MCU: variants seen among roughly 807,000 people sequenced by gnomAD.
The protein encoded by MCU is calcium uniporter protein, mitochondrial.
Under a neutral mutation model 45.2 loss-of-function variants are expected in MCU, and 12 were observed. The observed-to-expected ratio is 0.27, with a 90% CI of 0.17 to 0.43. The LOEUF (loss-of-function observed/expected upper bound fraction) is 0.43. Among genes scored for constraint, MCU ranks in the 20% least tolerant of loss-of-function variants. The pLI, the probability that MCU is intolerant of heterozygous loss-of-function variation, is 1.00. For missense variants in MCU, 324 were observed against 436.7 expected, an observed-to-expected ratio of 0.74 and a Z score of 2.30; for synonymous variants, 160 against 165.1, an observed-to-expected ratio of 0.97 and a Z score of 0.24.
At chr10:72,768,677 C>A (rs1378955163) in intron 1 of MCU, among the ~76,000 whole-genome samples, 1 of 152,090 alleles carries the variant, frequency 6.6e-6, no homozygotes, top group Non-Finnish European at 1.5e-5. Context: ...AGTTGTAAGA[C>A]ACTGTTATTT....
chr10:72,839,279 T>C (rs1040881285), intron 2 of MCU, among the ~76,000 whole-genome samples: 1 of 152,180 alleles, frequency 6.6e-6, no homozygotes, highest in Non-Finnish European at 1.5e-5. Context: ...GGTGAGCCAC[T>C]GTGGCTGGCC....
At chr10:72,803,513 AAAGGCTTC>A (rs1182132827) in intron 1 of MCU, among the ~76,000 whole-genome samples, 2 of 152,060 alleles carry the variant, frequency 1.3e-5, no homozygotes, top group African/African-American at 4.8e-5. Flanking sequence ...AAGTCTGAGA[AAAGGCTTC>A]TGTTTTTAAA....
rs560077608 is a variant in MCU at position 72,729,411 on chromosome 10, C to T, written c.150+37110C>T. ...CTTGAACCCAAGAGGCAGAGGCTGCCGTGAGCCGAGATTGCATCACTGCAC... is the reference window on the plus strand; with the variant it reads ...CTTGAACCCAAGAGGCAGAGGCTGCTGTGAGCCGAGATTGCATCACTGCAC... On this transcript the variant is annotated intron_variant, in intron 1 of 7. Coordinates refer to ENST00000373053, the MANE Select transcript of MCU (RefSeq NM_138357.3). Among the ~76,000 whole-genome samples the T allele has an allele frequency of 3.3e-5, 5 of 152,222 alleles. No individual in the cohort carries two copies. In the South Asian group the frequency reaches 1.0e-3, roughly 32 times the overall value.
At chr10:72,775,337 A>C (rs1843874802) in intron 1 of MCU, among the ~76,000 whole-genome samples, 1 of 152,176 alleles carries the variant, frequency 6.6e-6, no homozygotes, top group Non-Finnish European at 1.5e-5. Context: ...AAGTTTCCTG[A>C]AACAAATGAA....
At chr10:72,755,691 A>G (rs573509515) in intron 1 of MCU, among the ~76,000 whole-genome samples, 1 of 152,362 alleles carries the variant, frequency 6.6e-6, no homozygotes, top group East Asian at 1.9e-4. Flanking sequence ...ATTCAAAGCA[A>G]TTTGAACGGC....
intron 1 of MCU, among the ~76,000 whole-genome samples, chr10:72,791,068 G>A (rs1009223546): frequency 2.6e-5 from 4 of 152,124 alleles, no homozygotes; most frequent in Non-Finnish European, 4.4e-5. Context: ...TAGAAGTTGG[G>A]GAGAGGGGTG....
intron 1 of MCU, among the ~76,000 whole-genome samples, chr10:72,747,490 G>A (rs780727026): frequency 2.0e-5 from 3 of 152,214 alleles, no homozygotes; most frequent in South Asian, 2.1e-4. Flanking sequence ...TGCAGTGCCT[G>A]TTATGCCTGC....
intron 5 of MCU, among the ~76,000 whole-genome samples, chr10:72,870,700 T>G (rs1347360988): frequency 2.0e-5 from 3 of 152,222 alleles, no homozygotes; most frequent in Non-Finnish European, 4.4e-5. Context: ...CTGCCCCTAG[T>G]ATACCACTGG....
chr10:72,868,567 A>AT, intron 4 of MCU, 136 bp from the exon 5 acceptor site: 2 of 710,520 alleles, frequency 2.8e-6, no homozygotes, highest in Non-Finnish European at 4.5e-6. Context: ...AAAAAAAAAA[A>AT]GAGAGCTATT....
chr10:72,866,966 AAG>A (rs1202610120), intron 4 of MCU, among the ~76,000 whole-genome samples: 5 of 151,136 alleles, frequency 3.3e-5, no homozygotes, highest in African/African-American at 1.2e-4. Context: ...TGGTACAAGG[AAG>A]ACACTGTTGA....
intron 1 of MCU, among the ~76,000 whole-genome samples, chr10:72,707,647 G>GTGTGTGTGTGTGTGTGTGTGTGTGTGTA (rs71021526): frequency 3.4e-5 from 5 of 146,908 alleles, no homozygotes; most frequent in African/African-American, 1.0e-4. Flanking sequence ...GTGTGTGTGT[G>GTGTGTGTGTGTGTGTGTGTGTGTGTGTA]TTTCCCACCA....
At position 72,868,731 on chromosome 10, in the gene MCU, G is replaced by A. The variant is rs369032318; in HGVS notation, c.525G>A (p.Thr175=). The A allele has an allele frequency of 4.3e-6, 7 of 1,613,870 alleles. No individual in the cohort carries two copies. The highest frequency in any genetic ancestry group is 2.7e-5 in the African/African-American group (2 of 74,986). The change falls in exon 5 of 8, where the codon ACG becomes ACA. Residue 175 remains threonine (T), a synonymous_variant. Transcript: ENST00000373053. ...RDLLSHENAA[T]LNDVKTLVQQ... ...TCTTAAGTCATGAAAATGCAGCAAC[G>A]CTGAATGATGTAAAGACATTGGTCC...
At chr10:72,713,139 A>G (rs1368215518) in intron 1 of MCU, among the ~76,000 whole-genome samples, 2 of 152,246 alleles carry the variant, frequency 1.3e-5, no homozygotes, top group African/African-American at 2.4e-5. Context: ...ATGGTGACCA[A>G]TTTTAAGCAT....
chr10:72,730,801 T>C lies in MCU; in HGVS notation c.150+38500T>C, dbSNP rs188931372. 221 of 152,362 alleles carry C rather than the reference T, an allele frequency of 1.5e-3. 2 individuals are homozygous for C. The highest frequency in any genetic ancestry group is 4.9e-3 in the African/African-American group (202 of 41,588). 9.4% of individuals were successfully genotyped at this position (152,362 alleles called of 1,614,324 possible). On this transcript the variant is annotated intron_variant, in intron 1 of 7. Transcript: ENST00000373053. ...TCTTTTGTAAGATCAGAAAAGATTA[T>C]GTATGCAATAGTGCACTGTAAGCCA... is the stretch of plus-strand genomic sequence containing the variant.
intron 1 of MCU, among the ~76,000 whole-genome samples, chr10:72,791,995 G>A (rs973700637): frequency 1.3e-5 from 2 of 152,188 alleles, no homozygotes; most frequent in African/African-American, 4.8e-5. Flanking sequence ...CTTCCTAGCT[G>A]TTTGACCTTT....
At chr10:72,706,140 A>G (rs1842816775) in intron 1 of MCU, among the ~76,000 whole-genome samples, 1 of 151,530 alleles carries the variant, frequency 6.6e-6, no homozygotes, top group African/African-American at 2.4e-5. Context: ...AATAATATAT[A>G]AGTTGATAAA....
At chr10:72,692,677 C>G in intron 1 of MCU, 3 of 1,205,384 alleles carry the variant, frequency 2.5e-6, no homozygotes, top group South Asian at 2.7e-5. Context: ...GGAAGTTGTC[C>G]CCTTTCCCTC....
chr10:72,692,913 C>T (rs889824970), intron 1 of MCU: 1 of 1,499,504 alleles, frequency 6.7e-7, no homozygotes, highest in Non-Finnish European at 8.9e-7. Context: ...CCGGCTCCCT[C>T]GAGATGGATG....
intron 1 of MCU, among the ~76,000 whole-genome samples, chr10:72,735,646 G>A (rs1440520458): frequency 6.6e-6 from 1 of 152,164 alleles, no homozygotes; most frequent in Non-Finnish European, 1.5e-5. Context: ...TAGCCACTCA[G>A]TATTAGAATA....
Sources: gnomAD v4.1 joint callset for allele counts (sites outside exome capture counted in the v4.1 genomes callset) on GRCh38, gnomAD v4.1.1 for gene constraint, MANE v1.5 for transcripts, NCBI Gene and HGNC (gene_info 2026-07-23, HGNC 2026-07-21) for gene names.